Variants in CTNNA2 observed in about 807,000 individuals in gnomAD.
CTNNA2 encodes catenin alpha 2.
A neutral mutation model predicts 101.0 loss-of-function variants in CTNNA2; 42 were observed. The observed-to-expected ratio is 0.42, with a 90% CI of 0.32 to 0.54. CTNNA2 has a LOEUF of 0.54. Among genes scored for constraint, CTNNA2 ranks in the 20% least tolerant of loss-of-function variants. CTNNA2 has a pLI of 0.14. For synonymous variants in CTNNA2, 450 were observed against 456.4 expected, an observed-to-expected ratio of 0.99 and a Z score of 0.18; for missense variants, 871 against 1,223.1, an observed-to-expected ratio of 0.71 and a Z score of 4.29.
intron 3 of CTNNA2, among the ~76,000 whole-genome samples, chr2:79,325,211 GA>G (rs1364797777): frequency 6.6e-6 from 1 of 152,096 alleles, no homozygotes; most frequent in Non-Finnish European, 1.5e-5. Flanking sequence ...TCAATGGGGG[GA>G]AAACCAAGTT....
intron 7 of CTNNA2, among the ~76,000 whole-genome samples, chr2:79,998,961 G>A (rs1280541239): frequency 2.6e-5 from 4 of 151,976 alleles, no homozygotes; most frequent in African/African-American, 9.7e-5. Context: ...TCTCCATAGG[G>A]TACATACTCA....
intron 7 of CTNNA2, among the ~76,000 whole-genome samples, chr2:80,033,923 C>A (rs1695471678): frequency 7.1e-6 from 1 of 140,824 alleles, no homozygotes. Flanking sequence ...GGATTGTTAT[C>A]TTGAGCCACA....
rs528976929 is a variant in CTNNA2 at position 80,143,204 on chromosome 2, C to T, written c.1056+233407C>T. ...GCCCAAGTGTCCTTCCTCCAACAGCCTTCCTCAGAACTTTACGCTGATATT... is the reference window on the plus strand; with the variant it reads ...GCCCAAGTGTCCTTCCTCCAACAGCTTTCCTCAGAACTTTACGCTGATATT... On this transcript the variant is annotated intron_variant, in intron 7 of 18. Coordinates refer to ENST00000402739, the MANE Select transcript of CTNNA2 (RefSeq NM_001282597.3). 3.9e-5 allele frequency among the ~76,000 whole-genome samples: 6 copies of T among 152,286 alleles called. No individual in the cohort carries two copies. The South Asian group carries it at 8.3e-4, about 21-fold the overall frequency.
rs560474557 is a variant in CTNNA2, at chr2:80,251,855, T to G, written c.1057-141356T>G. ...CTTTCTGGTGGAGTCTAGCCAACTT[T>G]TACCAGAAAATTGCCTTCACATTTT... On this transcript the variant is annotated intron_variant, in intron 7 of 18. Transcript: ENST00000402739. Among the ~76,000 whole-genome samples, 3 of 152,316 alleles carry G rather than the reference T, an allele frequency of 2.0e-5. No individual in the cohort carries two copies. In the East Asian group the frequency reaches 5.8e-4, roughly 29 times the overall value.
chr2:80,010,446 C>T (rs1693695713), intron 7 of CTNNA2, among the ~76,000 whole-genome samples: 1 of 152,066 alleles, frequency 6.6e-6, no homozygotes, highest in African/African-American at 2.4e-5. Flanking sequence ...GCCGGGACTA[C>T]AGGCACGTGC....
At chr2:79,799,756 ATTCT>A (rs1297462601) in intron 3 of CTNNA2, among the ~76,000 whole-genome samples, 1 of 152,210 alleles carries the variant, frequency 6.6e-6, no homozygotes, top group Non-Finnish European at 1.5e-5. Flanking sequence ...TATTCCTTTC[ATTCT>A]TTAAACTATA....
At chr2:79,390,999 A>C (rs1046743631) in intron 4 of CTNNA2, among the ~76,000 whole-genome samples, 1 of 152,200 alleles carries the variant, frequency 6.6e-6, no homozygotes, top group Admixed American at 6.5e-5. Context: ...AGGTAGAAAA[A>C]AAGAGAGGAA....
At chr2:79,242,993 T>TATATATATATATATAC (rs1306982182) in intron 2 of CTNNA2, among the ~76,000 whole-genome samples, 3 of 116,702 alleles carry the variant, frequency 2.6e-5, no homozygotes, top group Non-Finnish European at 3.5e-5. Flanking sequence ...TATATATATA[T>TATATATATATATATAC]ACACACACAC....
chr2:79,608,314 T>C (rs1573465928), intron 1 of CTNNA2, among the ~76,000 whole-genome samples: 1 of 152,074 alleles, frequency 6.6e-6, no homozygotes, highest in South Asian at 2.1e-4. Flanking sequence ...GGCTTTATCA[T>C]TGACTTTGCC....
intron 7 of CTNNA2, among the ~76,000 whole-genome samples, chr2:80,134,767 G>A (rs1702601374): frequency 6.6e-6 from 1 of 152,096 alleles, no homozygotes; most frequent in African/African-American, 2.4e-5. Flanking sequence ...TTGTTCCTTA[G>A]ATTTCTTCCC....
At chr2:80,196,026 T>A (rs982660072) in intron 7 of CTNNA2, among the ~76,000 whole-genome samples, 3 of 152,176 alleles carry the variant, frequency 2.0e-5, no homozygotes, top group African/African-American at 7.2e-5. Context: ...TACCATTATA[T>A]TAAAAATAGA....
intron 7 of CTNNA2, among the ~76,000 whole-genome samples, chr2:80,157,436 A>G (rs1704053221): frequency 6.6e-6 from 1 of 152,144 alleles, no homozygotes; most frequent in Non-Finnish European, 1.5e-5. Context: ...CTGGGCCTTT[A>G]ACATGAGTGC....
chr2:80,514,153 C>T (rs1688921331), intron 9 of CTNNA2, among the ~76,000 whole-genome samples: 1 of 152,022 alleles, frequency 6.6e-6, no homozygotes, highest in Admixed American at 6.5e-5. Context: ...TTTTCTCAAC[C>T]CCTTTGTTGG....
chr2:79,432,012 T>C (rs1005090655), intron 4 of CTNNA2, among the ~76,000 whole-genome samples: 6 of 152,156 alleles, frequency 3.9e-5, no homozygotes, highest in African/African-American at 7.2e-5. Flanking sequence ...TGGAAAGATA[T>C]TATAGGTGAC....
rs144780630 is a variant in CTNNA2, at chr2:80,512,208, C to T, written c.1291-32774C>T. Among the ~76,000 whole-genome samples the T allele has an allele frequency of 5.4e-5, 8 of 148,410 alleles. No individual in the cohort carries two copies. The East Asian group carries it at 1.6e-3, about 29-fold the overall frequency. On this transcript the variant is annotated intron_variant, in intron 9 of 18. Coordinates refer to ENST00000402739, the MANE Select transcript of CTNNA2 (RefSeq NM_001282597.3). The stretch of plus-strand genomic sequence containing the variant: ...GGAAACCATAATGGTGACTTTTGCT[C>T]TGGATTTAATTCTCATCTGTTAGAT...
intron 1 of CTNNA2, among the ~76,000 whole-genome samples, chr2:79,588,486 T>C (rs537353800): frequency 2.0e-5 from 3 of 152,340 alleles, no homozygotes; most frequent in Admixed American, 1.3e-4. Flanking sequence ...CATGAAAATA[T>C]CTCGAGTTCC....
At chr2:79,518,326 C>T (rs929273843) in intron 1 of CTNNA2, among the ~76,000 whole-genome samples, 1 of 152,048 alleles carries the variant, frequency 6.6e-6, no homozygotes, top group African/African-American at 2.4e-5. Flanking sequence ...AGTGTTTCTA[C>T]ATTAAATGAG....
chr2:79,430,735 A>G (rs964388360), intron 4 of CTNNA2, among the ~76,000 whole-genome samples: 18 of 152,122 alleles, frequency 1.2e-4, no homozygotes, highest in African/African-American at 4.3e-4. Context: ...AAGCCTCCCA[A>G]AATTGAAATG....
chr2:80,112,203 C>G (rs1032186643), intron 7 of CTNNA2, among the ~76,000 whole-genome samples: 3 of 151,976 alleles, frequency 2.0e-5, no homozygotes, highest in African/African-American at 7.2e-5. Context: ...TGCCTTGGGG[C>G]AGAGATTTGT....
Sources: gnomAD v4.1 joint callset for allele counts (sites outside exome capture counted in the v4.1 genomes callset) on GRCh38, gnomAD v4.1.1 for gene constraint, MANE v1.5 for transcripts, NCBI Gene and HGNC (gene_info 2026-07-23, HGNC 2026-07-21) for gene names.